The following EPHA5 variants were observed in gnomAD, a reference collection of about 807,000 sequenced individuals.
EPHA5 encodes EPH receptor A5.
A neutral mutation model predicts 105.0 loss-of-function variants in EPHA5; 60 were observed. The observed-to-expected ratio is 0.57, with a 90% CI of 0.46 to 0.71. The LOEUF (loss-of-function observed/expected upper bound fraction) is 0.71, where lower values mean the gene tolerates loss of function less well. EPHA5 is among the 30% of genes least tolerant of loss of function. EPHA5 has a pLI of 0.00. For missense variants in EPHA5, 1,218 were observed against 1,274.7 expected (o/e 0.96, Z 0.68); for synonymous variants, 513 against 449.1 (o/e 1.14, Z -1.80).
intron 5 of EPHA5, among the ~76,000 whole-genome samples, chr4:65,426,013 G>T (rs1029186326): frequency 6.6e-6 from 1 of 152,036 alleles, no homozygotes; most frequent in Non-Finnish European, 1.5e-5. Flanking sequence ...CGTTGAAGAC[G>T]CCATGATTTT....
At chr4:65,369,326 G>A (rs896620125) in intron 8 of EPHA5, among the ~76,000 whole-genome samples, 1 of 152,046 alleles carries the variant, frequency 6.6e-6, no homozygotes, top group Non-Finnish European at 1.5e-5. Flanking sequence ...ATTATTTTTA[G>A]TGAAACTCTA....
intron 3 of EPHA5, among the ~76,000 whole-genome samples, chr4:65,601,333 G>A (rs1743706386): frequency 6.6e-6 from 1 of 152,010 alleles, no homozygotes; most frequent in African/African-American, 2.4e-5. Flanking sequence ...TACAATGAAG[G>A]TTACTAGTCC....
At chr4:65,412,869 A>G (rs1723042289) in intron 7 of EPHA5, among the ~76,000 whole-genome samples, 1 of 152,168 alleles carries the variant, frequency 6.6e-6, no homozygotes, top group Non-Finnish European at 1.5e-5. Flanking sequence ...CCAACATCCT[A>G]AAACTGAGTA....
At chr4:65,606,881 TGCA>T (rs754877600) in intron 2 of EPHA5, among the ~76,000 whole-genome samples, 7 of 152,126 alleles carry the variant, frequency 4.6e-5, no homozygotes, top group Non-Finnish European at 2.9e-5. Context: ...ATCAATTGCC[TGCA>T]GCTTTACTCT....
chr4:65,376,229 A>G (rs1257345417), intron 8 of EPHA5, among the ~76,000 whole-genome samples: 1 of 152,004 alleles, frequency 6.6e-6, no homozygotes, highest in Non-Finnish European at 1.5e-5. Context: ...CTGACTACAA[A>G]TGACACTGGG....
chr4:65,669,705 C>T lies in EPHA5; in HGVS notation c.38G>A (p.Arg13Gln), dbSNP rs2149572055. The T allele has an allele frequency of 7.7e-7, 1 of 1,293,102 alleles. No individual in the cohort carries two copies. Among genetic ancestry groups the T allele is most frequent in the Non-Finnish European group, 9.8e-7 (1 of 1,018,048 alleles). The allele number at this position is 1,293,102 out of a possible 1,614,324, so 80.1% of individuals were successfully genotyped here. A position where few individuals can be genotyped will look rare whatever the true frequency, so the allele number is the denominator to read the frequency against. Residue 13 changes from arginine to glutamine, a missense_variant, in exon 1 of 17, where the codon CGG becomes CAG. Arg to Gln is a conservative substitution (Grantham distance 43). Transcript: ENST00000613740. ...GGTGTCGCCGCCGCCGCTTGGGGGC[C>T]GCCGGCGTCCCGCACCCCGGGGCCC... ...GSGPRGAGRR[R>Q]PPSGGGDTPI...
chr4:65,449,986 A>C (rs951858156), intron 5 of EPHA5, among the ~76,000 whole-genome samples: 2 of 152,110 alleles, frequency 1.3e-5, no homozygotes, highest in African/African-American at 4.8e-5. Flanking sequence ...TGGCTAAACC[A>C]CTCAGTTTGT....
Position 65,331,454 on chromosome 4 carries a change from A to T in EPHA5, c.2945+519T>A, listed in dbSNP as rs1236172336. 12 of 1,047,610 alleles carry T rather than the reference A, an allele frequency of 1.1e-5. No individual in the cohort carries two copies. The East Asian group carries it at 6.6e-4, about 58-fold the overall frequency. The allele number at this position is 1,047,610 out of a possible 1,614,324, so 64.9% of individuals were successfully genotyped here. On this transcript the variant is annotated intron_variant, in intron 16 of 16. Transcript: ENST00000613740. ...ACAAATCAGAGGCGGGATCTGATAC[A>T]TCCTTAGATTGAAAGAATGTAAGGT...
chr4:65,335,975 G>A lies in EPHA5; in HGVS notation c.2746C>T (p.Arg916Cys), dbSNP rs142359231. The A allele has an allele frequency of 7.4e-6, 12 of 1,612,706 alleles. No homozygotes were observed. The African/African-American group carries it at 8.0e-5, about 11-fold the overall frequency. ...EIVNMLDKLIRNPSSLKTLVN... is the reference protein window; with the variant it reads ...EIVNMLDKLICNPSSLKTLVN... ...AGCGTCTTCAGACTACTTGGGTTACGTATCAGCTTGTCCAACATGTTGACT... is the reference window on the plus strand; with the variant it reads ...AGCGTCTTCAGACTACTTGGGTTACATATCAGCTTGTCCAACATGTTGACT... The change falls in exon 15 of 17, where the codon CGT becomes TGT. Residue 916 changes from arginine (R) to cysteine (C), a missense_variant. Arg to Cys is a radical substitution (Grantham distance 180). Coordinates refer to ENST00000613740, the MANE Select transcript of EPHA5 (RefSeq NM_001281766.3).
chr4:65,598,548 CTA>C (rs2149430954), intron 3 of EPHA5, among the ~76,000 whole-genome samples: 1 of 152,210 alleles, frequency 6.6e-6, no homozygotes, highest in East Asian at 1.9e-4. Flanking sequence ...TGTATGTGGA[CTA>C]ACAGGAGTAG....
At chr4:65,463,357 G>A (rs546184814) in intron 5 of EPHA5, among the ~76,000 whole-genome samples, 1 of 152,252 alleles carries the variant, frequency 6.6e-6, no homozygotes, top group South Asian at 2.1e-4. Flanking sequence ...TATGATATCA[G>A]TGAAGTAAAT....
At chr4:65,616,156 A>C (rs1745217547) in intron 2 of EPHA5, among the ~76,000 whole-genome samples, 1 of 151,952 alleles carries the variant, frequency 6.6e-6, no homozygotes, top group Non-Finnish European at 1.5e-5. Context: ...TCTCCAGGGA[A>C]TTATGCTGAG....
chr4:65,433,521 C>T lies in EPHA5; in HGVS notation c.1403-12956G>A, dbSNP rs982785120. Among the ~76,000 whole-genome samples the T allele has an allele frequency of 3.9e-5, 6 of 152,288 alleles. No individual in the cohort carries two copies. The East Asian group carries it at 1.2e-3, about 29-fold the overall frequency. On this transcript the variant is annotated intron_variant, in intron 5 of 16. Coordinates refer to ENST00000613740, the MANE Select transcript of EPHA5 (RefSeq NM_001281766.3). ...ACCCAGAAACTCAGATATATTTCAA[C>T]ACAGCCTTGCCAAAGTATCCTATCA...
intron 3 of EPHA5, among the ~76,000 whole-genome samples, chr4:65,546,925 C>T (rs748200837): frequency 2.0e-5 from 3 of 151,868 alleles, no homozygotes; most frequent in East Asian, 1.9e-4. Context: ...GACACATGTA[C>T]GCGTAATACA....
At chr4:65,350,547 T>G (rs936848876) in intron 13 of EPHA5, among the ~76,000 whole-genome samples, 2 of 152,080 alleles carry the variant, frequency 1.3e-5, no homozygotes, top group Non-Finnish European at 2.9e-5. Flanking sequence ...TTTTAGACAT[T>G]GAGGATATTC....
chr4:65,438,174 G>A (rs912395150), intron 5 of EPHA5, among the ~76,000 whole-genome samples: 1 of 151,836 alleles, frequency 6.6e-6, no homozygotes, highest in Non-Finnish European at 1.5e-5. Context: ...CATTTAAAAT[G>A]CTATTGATTT....
At chr4:65,408,532 C>A (rs958159766) in intron 7 of EPHA5, among the ~76,000 whole-genome samples, 5 of 148,798 alleles carry the variant, frequency 3.4e-5, no homozygotes, top group South Asian at 2.2e-4. Context: ...GGGCGAAGGA[C>A]ATGAACAGAC....
At position 65,372,392 on chromosome 4, in the gene EPHA5, A is replaced by G. The variant is rs182344455; in HGVS notation, c.1794-4968T>C. Among the ~76,000 whole-genome samples, 350 of 152,030 alleles carry G rather than the reference A, an allele frequency of 2.3e-3. 1 individual carries two copies. Among genetic ancestry groups the G allele is most frequent in the Non-Finnish European group, 2.3e-3 (157 of 67,848 alleles). ...TTGTTTTATGAGCCAGTATTCTTCA[A>G]TAAGAATGCACATGAATAGTACTAA... On this transcript the variant is annotated intron_variant, in intron 8 of 16. Transcript: ENST00000613740.
chr4:65,452,282 T>A (rs11729822), intron 5 of EPHA5, among the ~76,000 whole-genome samples: 2,632 of 152,244 alleles, frequency 0.017, 29 homozygotes, highest in Non-Finnish European at 0.026. Flanking sequence ...TCTGTACAAT[T>A]TTTTAAATGC....
Sources: allele counts gnomAD v4.1 joint callset (sites outside exome capture counted in the v4.1 genomes callset), GRCh38; gene constraint gnomAD v4.1.1; transcripts MANE v1.5; gene names NCBI Gene and HGNC (gene_info 2026-07-23, HGNC 2026-07-21).